The following SYN2 variants were observed in gnomAD, a reference collection of about 807,000 sequenced individuals.
The protein encoded by SYN2 is synapsin II.
In SYN2, 19 loss-of-function variants were observed where a neutral mutation model predicts 50.9. That is an observed-to-expected ratio of 0.37 (90% CI 0.26 to 0.55). The LOEUF is 0.55. Ranked by LOEUF, SYN2 falls within the 20% of genes least tolerant of loss-of-function variation. The pLI is 0.81. For synonymous variants in SYN2, 255 were observed against 224.9 expected, an observed-to-expected ratio of 1.13 and a Z score of -1.20; for missense variants, 587 against 576.4, an observed-to-expected ratio of 1.02 and a Z score of -0.19.
At chr3:12,095,001 A>C (rs1178960878) in intron 1 of SYN2, among the ~76,000 whole-genome samples, 1 of 152,158 alleles carries the variant, frequency 6.6e-6, no homozygotes, top group Non-Finnish European at 1.5e-5. Context: ...ACGTGTGGTG[A>C]CTGATGTTCT....
chr3:12,188,297 G>A (rs1017803788), intron 12 of SYN2, among the ~76,000 whole-genome samples: 1 of 152,242 alleles, frequency 6.6e-6, no homozygotes, highest in Non-Finnish European at 1.5e-5. Context: ...CCTGCAAGCA[G>A]CAGAGCTGTC....
chr3:12,035,467 C>T (rs1347531638), intron 1 of SYN2, among the ~76,000 whole-genome samples: 1 of 152,208 alleles, frequency 6.6e-6, no homozygotes, highest in Non-Finnish European at 1.5e-5. Context: ...GAAGGTGAGG[C>T]ATTTATTGCA....
chr3:12,151,440 C>G (rs146377714), intron 5 of SYN2, 114 bp downstream of exon 5: 35 of 785,164 alleles, frequency 4.5e-5, no homozygotes, highest in Admixed American at 2.7e-4. Context: ...AAAGACTCCA[C>G]TGGGGTTGAA....
intron 10 of SYN2, among the ~76,000 whole-genome samples, chr3:12,170,643 A>T (rs954652043): frequency 2.0e-5 from 3 of 152,214 alleles, no homozygotes; most frequent in African/African-American, 7.2e-5. Flanking sequence ...ATATTATGAA[A>T]TGGGAAGAAC....
intron 5 of SYN2, among the ~76,000 whole-genome samples, chr3:12,155,437 G>A (rs73813138): frequency 0.079 from 12,081 of 152,234 alleles, 582 homozygotes; most frequent in African/African-American, 0.13. Context: ...GTGGGAGTCT[G>A]CCTACCAAAC....
At chr3:12,107,753 A>G (rs554790911) in intron 1 of SYN2, among the ~76,000 whole-genome samples, 3 of 152,042 alleles carry the variant, frequency 2.0e-5, no homozygotes, top group South Asian at 2.1e-4. Context: ...TAAAAATGCT[A>G]TATAAGAGGA....
chr3:12,128,660 G>A lies in SYN2; in HGVS notation c.378-11991G>A, dbSNP rs1407757847. 2.0e-5 allele frequency among the ~76,000 whole-genome samples: 3 copies of A among 152,212 alleles called. No homozygotes were observed. The East Asian group carries it at 5.8e-4, about 29-fold the overall frequency. On this transcript the variant is annotated intron_variant, in intron 1 of 12. Coordinates refer to ENST00000621198, the MANE Select transcript of SYN2 (RefSeq NM_133625.6). ...AAATAGAACATTAAGGTGGAAGATG[G>A]TCCCATCATACGTTGGAAAAAACAT...
intron 1 of SYN2, among the ~76,000 whole-genome samples, chr3:12,036,764 A>G (rs1488097924): frequency 6.6e-6 from 1 of 152,332 alleles, no homozygotes; most frequent in African/African-American, 2.4e-5. Flanking sequence ...CTACATCCTT[A>G]GTATTCTCTC....
In SYN2 at chr3:12,190,963, T is replaced by C; in HGVS notation, c.*338T>C. The C allele has an allele frequency of 1.9e-6, 2 of 1,048,984 alleles. No individual in the cohort carries two copies. The highest frequency in any genetic ancestry group is 2.3e-6 in the Non-Finnish European group (2 of 871,648). 65.0% of individuals were successfully genotyped at this position (1,048,984 alleles called of 1,614,324 possible). On this transcript the variant is annotated 3_prime_UTR_variant, in exon 13 of 13. Coordinates refer to ENST00000621198, the MANE Select transcript of SYN2 (RefSeq NM_133625.6). ...TTATTCTTCCCTGTGAAACCAGGATTAATCGTGGACTCCTGGCAGCTTAAC... is the reference window on the plus strand; with the variant it reads ...TTATTCTTCCCTGTGAAACCAGGATCAATCGTGGACTCCTGGCAGCTTAAC...
chr3:12,060,426 C>T (rs145977978), intron 1 of SYN2, among the ~76,000 whole-genome samples: 1 of 152,140 alleles, frequency 6.6e-6, no homozygotes, highest in African/African-American at 2.4e-5. Flanking sequence ...CTGACTCCAG[C>T]CCCCTCTAGT....
chr3:12,182,739 T>A (rs1559458390), intron 10 of SYN2, among the ~76,000 whole-genome samples: 1 of 152,234 alleles, frequency 6.6e-6, no homozygotes, highest in Admixed American at 6.5e-5. Context: ...GGCCTAGAAC[T>A]GATCCCACTC....
intron 1 of SYN2, among the ~76,000 whole-genome samples, chr3:12,123,224 G>T (rs565274720): frequency 1.3e-5 from 2 of 152,292 alleles, no homozygotes; most frequent in East Asian, 3.9e-4. Context: ...ATTGATAAAA[G>T]ACATCAATTG....
At chr3:12,160,586 A>G (rs138594577) in intron 5 of SYN2, among the ~76,000 whole-genome samples, 2 of 152,356 alleles carry the variant, frequency 1.3e-5, no homozygotes, top group African/African-American at 4.8e-5. Flanking sequence ...GGTTCTTCAT[A>G]CAATGTTCAG....
At chr3:12,113,247 T>C (rs1478461653) in intron 1 of SYN2, among the ~76,000 whole-genome samples, 3 of 152,200 alleles carry the variant, frequency 2.0e-5, no homozygotes, top group African/African-American at 7.2e-5. Flanking sequence ...AGTGTACGTA[T>C]GTAACCCAAT....
At chr3:12,174,980 A>G (rs962598501) in intron 10 of SYN2, among the ~76,000 whole-genome samples, 12 of 152,176 alleles carry the variant, frequency 7.9e-5, no homozygotes, top group African/African-American at 2.7e-4. Context: ...GTTTATGGCT[A>G]TATCTCTAGG....
At chr3:12,126,035 A>G (rs879312979) in intron 1 of SYN2, among the ~76,000 whole-genome samples, 19 of 152,232 alleles carry the variant, frequency 1.2e-4, no homozygotes, top group Non-Finnish European at 2.1e-4. Flanking sequence ...GAAGATAGTC[A>G]TATACCAAAA....
In SYN2 at chr3:12,190,696, C is replaced by A; in HGVS notation, c.*71C>A. On this transcript the variant is annotated 3_prime_UTR_variant, in exon 13 of 13. Coordinates refer to ENST00000621198, the MANE Select transcript of SYN2 (RefSeq NM_133625.6). ...AAGACATTCACCAACAACAGTCAGC[C>A]AGCTTGGTGGTTATGTCCCATGACC... 1.3e-6 allele frequency: 2 copies of A among 1,577,910 alleles called. No homozygotes were observed. The highest frequency in any genetic ancestry group is 2.3e-5 in the East Asian group (1 of 44,428).
At position 12,132,025 on chromosome 3, in the gene SYN2, C is replaced by CT. The variant is rs1467420347; in HGVS notation, c.378-8618dup. The stretch of plus-strand genomic sequence containing the variant: ...CTTTTTTTTCCTTTCTTTTCTTTTT[C>CT]TTTTTTTTCTTTTTTTTTCTTTTTT... On this transcript the variant is annotated intron_variant, in intron 1 of 12. Coordinates refer to ENST00000621198, the MANE Select transcript of SYN2 (RefSeq NM_133625.6). 2.6e-4 allele frequency among the ~76,000 whole-genome samples: 37 copies of CT among 140,698 alleles called. No homozygotes were observed. The East Asian group carries it at 2.8e-3, about 11-fold the overall frequency. The allele number at this position is 140,698 out of a possible 152,430, so 92.3% of individuals were successfully genotyped here.
intron 1 of SYN2, among the ~76,000 whole-genome samples, chr3:12,044,626 A>T (rs1574906660): frequency 6.6e-6 from 1 of 152,306 alleles, no homozygotes; most frequent in East Asian, 1.9e-4. Context: ...ATTTACTTTT[A>T]TAGGGGTGTA....
Sources: allele counts gnomAD v4.1 joint callset (sites outside exome capture counted in the v4.1 genomes callset), GRCh38; gene constraint gnomAD v4.1.1; transcripts MANE v1.5; gene names NCBI Gene and HGNC (gene_info 2026-07-23, HGNC 2026-07-21).